The following SMG6 variants were observed in gnomAD, a reference collection of about 807,000 sequenced individuals.
The protein encoded by SMG6 is SMG6 nonsense mediated mRNA decay factor, also known as telomerase-binding protein EST1A.
SMG6 carries 66 observed loss-of-function variants against 142.2 expected under a neutral mutation model. That is an observed-to-expected ratio of 0.46 (90% confidence interval 0.38 to 0.57). The LOEUF (loss-of-function observed/expected upper bound fraction) is 0.57. SMG6 is among the 20% of genes least tolerant of loss of function. The probability of loss-of-function intolerance (pLI) is 0.00; values close to 1 mark genes in which losing one functional copy is unlikely to be tolerated. For missense variants in SMG6, 1,793 were observed against 1,832.0 expected (o/e 0.98, Z 0.39); for synonymous variants, 779 against 702.4 (o/e 1.11, Z -1.72).
intron 8 of SMG6, among the ~76,000 whole-genome samples, chr17:2,253,483 G>A (rs971317368): frequency 1.3e-5 from 2 of 152,004 alleles, no homozygotes; most frequent in Admixed American, 1.3e-4. Flanking sequence ...AATCTACAAC[G>A]CTGGTGTCTC....
chr17:2,225,835 G>A (rs572471149), intron 10 of SMG6, among the ~76,000 whole-genome samples: 17 of 152,018 alleles, frequency 1.1e-4, no homozygotes, highest in Non-Finnish European at 1.6e-4. Context: ...CGACGACAAC[G>A]GTGGAATGGA....
chr17:2,247,307 G>A (rs983946964), intron 8 of SMG6, among the ~76,000 whole-genome samples: 1 of 152,180 alleles, frequency 6.6e-6, no homozygotes, highest in Admixed American at 6.5e-5. Context: ...CTTTTCCACA[G>A]ATAGGATGTT....
At chr17:2,114,990 AAAAT>A (rs2069462092) in intron 13 of SMG6, among the ~76,000 whole-genome samples, 1 of 146,182 alleles carries the variant, frequency 6.8e-6, no homozygotes, top group Non-Finnish European at 1.5e-5. Context: ...AAAATAAAAT[AAAAT>A]AAAATAAAAT....
In SMG6 at chr17:2,128,817, CAA is replaced by C. The variant is rs367580981; in HGVS notation, c.3358-42918_3358-42917del. On this transcript the variant is annotated intron_variant, in intron 13 of 18. Coordinates refer to ENST00000263073, the MANE Select transcript of SMG6 (RefSeq NM_017575.5). ...CTAGCCTGGGTGACAGAGCAAGACT[CAA>C]AAAAAAAAAAAAAAAGAGAGAGAGA... 1.1e-4 allele frequency among the ~76,000 whole-genome samples: 8 copies of C among 73,046 alleles called. No homozygotes were observed. In the South Asian group the frequency reaches 1.9e-3, roughly 18 times the overall value. 47.9% of individuals were successfully genotyped at this position (73,046 alleles called of 152,430 possible).
chr17:2,081,297 G>C (rs539697623), intron 15 of SMG6, among the ~76,000 whole-genome samples: 1 of 152,278 alleles, frequency 6.6e-6, no homozygotes, highest in African/African-American at 2.4e-5. Context: ...GGCTGATGGG[G>C]GTCAAAGTCC....
intron 13 of SMG6, among the ~76,000 whole-genome samples, chr17:2,094,396 A>C (rs2068802855): frequency 6.6e-6 from 1 of 152,068 alleles, no homozygotes; most frequent in African/African-American, 2.4e-5. Context: ...GTGCCACCAC[A>C]CCCAGCTAAG....
At chr17:2,121,873 G>A (rs149873541) in intron 13 of SMG6, among the ~76,000 whole-genome samples, 31 of 151,958 alleles carry the variant, frequency 2.0e-4, no homozygotes, top group African/African-American at 7.2e-4. Context: ...TCACTCTGTC[G>A]CCCAGGCTGG....
At chr17:2,137,853 A>G (rs1454851970) in intron 13 of SMG6, among the ~76,000 whole-genome samples, 1 of 152,162 alleles carries the variant, frequency 6.6e-6, no homozygotes, top group African/African-American at 2.4e-5. Flanking sequence ...CTGTATCTCC[A>G]AGTCAGATCT....
At chr17:2,133,767 G>C (rs1301520681) in intron 13 of SMG6, among the ~76,000 whole-genome samples, 1 of 152,196 alleles carries the variant, frequency 6.6e-6, no homozygotes, top group Non-Finnish European at 1.5e-5. Context: ...AGGTAGGATA[G>C]CCATGTGACT....
At chr17:2,201,983 C>T (rs77956396) in intron 10 of SMG6, among the ~76,000 whole-genome samples, 2,031 of 152,056 alleles carry the variant, frequency 0.013, 40 homozygotes, top group African/African-American at 0.045. Context: ...GAGATCATGC[C>T]GCTGCACTCC....
intron 5 of SMG6, 79 bp from the exon 6 acceptor site, chr17:2,292,709 A>G (rs962484090): frequency 1.3e-6 from 2 of 1,543,504 alleles, no homozygotes; most frequent in African/African-American, 2.7e-5. Context: ...CCTAATACTT[A>G]AAACATAAGG....
intron 15 of SMG6, among the ~76,000 whole-genome samples, chr17:2,079,957 C>G (rs143753634): frequency 6.6e-6 from 1 of 150,960 alleles, no homozygotes; most frequent in Non-Finnish European, 1.5e-5. Flanking sequence ...CGCCTGTAAT[C>G]CCAGCTACTT....
At chr17:2,108,120 G>C (rs556234351) in intron 13 of SMG6, among the ~76,000 whole-genome samples, 8 of 152,098 alleles carry the variant, frequency 5.3e-5, no homozygotes, top group African/African-American at 1.7e-4. Context: ...AATGGCAACA[G>C]CTAAGTGGGT....
chr17:2,209,488 G>A (rs915954416), intron 10 of SMG6, among the ~76,000 whole-genome samples: 1 of 152,104 alleles, frequency 6.6e-6, no homozygotes, highest in Non-Finnish European at 1.5e-5. Flanking sequence ...TCAGCCTCCT[G>A]AGTAGCTGGG....
intron 10 of SMG6, among the ~76,000 whole-genome samples, chr17:2,232,207 A>G (rs549103820): frequency 3.9e-5 from 6 of 152,078 alleles, no homozygotes; most frequent in Non-Finnish European, 7.4e-5. Context: ...CCTTCAAGAA[A>G]CTAGAGTTTT....
chr17:2,208,692 C>T (rs949355048), intron 10 of SMG6, among the ~76,000 whole-genome samples: 1 of 152,194 alleles, frequency 6.6e-6, no homozygotes, highest in African/African-American at 2.4e-5. Flanking sequence ...TGAAGTCTAA[C>T]AGGACTTGCT....
At chr17:2,103,687 T>G (rs1471254737) in intron 13 of SMG6, among the ~76,000 whole-genome samples, 1 of 152,188 alleles carries the variant, frequency 6.6e-6, no homozygotes, top group Non-Finnish European at 1.5e-5. Flanking sequence ...TCTTGTGAGC[T>G]GTTTCTTTCC....
intron 13 of SMG6, among the ~76,000 whole-genome samples, chr17:2,091,897 C>T (rs113693941): frequency 0.089 from 13,449 of 151,370 alleles, 1,508 homozygotes; most frequent in African/African-American, 0.26. Context: ...TTAGCCAGGA[C>T]GGTCTTGATC....
intron 13 of SMG6, chr17:2,088,693 T>C: frequency 1.0e-6 from 1 of 985,418 alleles, no homozygotes; most frequent in Non-Finnish European, 1.2e-6. Context: ...GTGTAAAGTG[T>C]ACTGTGGGAG....
Sources: allele counts gnomAD v4.1 joint callset (sites outside exome capture counted in the v4.1 genomes callset), GRCh38; gene constraint gnomAD v4.1.1; transcripts MANE v1.5; gene names NCBI Gene and HGNC (gene_info 2026-07-23, HGNC 2026-07-21).